The following TBC1D22A variants were observed in gnomAD, a reference collection of about 807,000 sequenced individuals.
TBC1D22A encodes the protein putative GTPase activator.
A neutral mutation model predicts 60.2 loss-of-function variants in TBC1D22A; 38 were observed. The ratio of observed to expected loss-of-function variants is 0.63; its 90% CI spans 0.49 to 0.83. The LOEUF (loss-of-function observed/expected upper bound fraction) is 0.83. Ranked by LOEUF, TBC1D22A falls within the 40% of genes least tolerant of loss-of-function variation. The pLI is 0.00. For missense variants in TBC1D22A, 628 were observed against 701.0 expected (o/e 0.90, Z 1.18); for synonymous variants, 302 against 281.7 (o/e 1.07, Z -0.72).
intron 12 of TBC1D22A, among the ~76,000 whole-genome samples, chr22:47,134,277 T>TC (rs1168371309): frequency 6.6e-6 from 1 of 152,244 alleles, no homozygotes; most frequent in Non-Finnish European, 1.5e-5. Flanking sequence ...TGTGATTACA[T>TC]CCTGGGTCTT....
At chr22:47,049,086 G>A (rs1205860355) in intron 11 of TBC1D22A, among the ~76,000 whole-genome samples, 1 of 152,196 alleles carries the variant, frequency 6.6e-6, no homozygotes, top group Non-Finnish European at 1.5e-5. Context: ...GTTAATGGCC[G>A]GGAAGAGGAG....
intron 4 of TBC1D22A, among the ~76,000 whole-genome samples, chr22:46,874,334 T>C (rs1339414833): frequency 1.3e-5 from 2 of 152,106 alleles, no homozygotes; most frequent in Non-Finnish European, 2.9e-5. Flanking sequence ...GGTATTTCTG[T>C]CTCTAGGTCT....
At chr22:46,774,878 C>CATCGG (rs2083637093) in intron 1 of TBC1D22A, among the ~76,000 whole-genome samples, 2 of 152,256 alleles carry the variant, frequency 1.3e-5, no homozygotes, top group Non-Finnish European at 2.9e-5. Context: ...GCTGTGTGCA[C>CATCGG]CGGAGCCCGG....
At chr22:47,062,854 C>T (rs1480869840) in intron 11 of TBC1D22A, among the ~76,000 whole-genome samples, 1 of 152,116 alleles carries the variant, frequency 6.6e-6, no homozygotes, top group Non-Finnish European at 1.5e-5. Context: ...AAAGAGCAGC[C>T]ATTCCAAGCA....
chr22:46,958,466 G>A (rs564841153), intron 8 of TBC1D22A, among the ~76,000 whole-genome samples: 1 of 152,298 alleles, frequency 6.6e-6, no homozygotes, highest in South Asian at 2.1e-4. Flanking sequence ...TGGAGAGGCC[G>A]CCACCTTGTC....
chr22:47,102,300 G>T (rs143630345), intron 11 of TBC1D22A, among the ~76,000 whole-genome samples: 299 of 152,306 alleles, frequency 2.0e-3, no homozygotes, highest in African/African-American at 6.7e-3. Context: ...CTGTGAGTCA[G>T]CCAGTGCTCA....
At chr22:46,844,650 G>A (rs888129679) in intron 4 of TBC1D22A, among the ~76,000 whole-genome samples, 5 of 152,236 alleles carry the variant, frequency 3.3e-5, no homozygotes, top group African/African-American at 1.2e-4. Context: ...TTCCTGGGAA[G>A]GGTTGGGCTG....
rs367811250 is a variant in TBC1D22A, at chr22:46,867,842, A to C, written c.638-10811A>C. Among the ~76,000 whole-genome samples the C allele has an allele frequency of 4.0e-3, 607 of 152,328 alleles. 3 individuals carry two copies. Among genetic ancestry groups the C allele is most frequent in the Non-Finnish European group, 7.1e-3 (485 of 68,038 alleles). On this transcript the variant is annotated intron_variant, in intron 4 of 12. Transcript: ENST00000337137. ...AGAAACTGTTGCTAATAAGCAGATG[A>C]CTCCAGAGGAAACATTTAAAAAAGC...
At chr22:47,084,553 G>A (rs530171900) in intron 11 of TBC1D22A, among the ~76,000 whole-genome samples, 1 of 152,112 alleles carries the variant, frequency 6.6e-6, no homozygotes, top group Non-Finnish European at 1.5e-5. Context: ...TGCTCTAGGG[G>A]GACTCTTGAA....
chr22:47,014,167 G>C (rs1050018875), intron 10 of TBC1D22A, among the ~76,000 whole-genome samples: 1 of 152,190 alleles, frequency 6.6e-6, no homozygotes. Flanking sequence ...GGTGCATCCG[G>C]GCTACCCCTG....
chr22:46,811,515 G>A (rs781781932), intron 4 of TBC1D22A, among the ~76,000 whole-genome samples: 2 of 152,236 alleles, frequency 1.3e-5, no homozygotes, highest in African/African-American at 4.8e-5. Flanking sequence ...GGAGAGTTGA[G>A]CGGAGGAGGC....
chr22:46,986,877 T>C (rs1312799332), intron 9 of TBC1D22A, among the ~76,000 whole-genome samples: 2 of 152,302 alleles, frequency 1.3e-5, no homozygotes, highest in East Asian at 3.9e-4. Flanking sequence ...ACGGCTGATT[T>C]GCGCACCATG....
chr22:47,160,361 C>T (rs904034608), intron 12 of TBC1D22A, among the ~76,000 whole-genome samples: 1 of 152,214 alleles, frequency 6.6e-6, no homozygotes. Flanking sequence ...CAGGCTCTGC[C>T]GTCCCCCTGG....
At chr22:46,802,217 C>T (rs1241089708) in intron 4 of TBC1D22A, among the ~76,000 whole-genome samples, 9 of 152,156 alleles carry the variant, frequency 5.9e-5, no homozygotes, top group African/African-American at 9.7e-5. Context: ...GGGGAGGAAT[C>T]GGCGGCGAGG....
intron 4 of TBC1D22A, among the ~76,000 whole-genome samples, chr22:46,836,518 A>G (rs552225053): frequency 6.6e-6 from 1 of 152,030 alleles, no homozygotes; most frequent in African/African-American, 2.4e-5. Context: ...AAAGCATGCT[A>G]TTACAAAAAA....
intron 7 of TBC1D22A, among the ~76,000 whole-genome samples, chr22:46,911,847 A>C (rs1340328729): frequency 6.6e-6 from 1 of 151,760 alleles, no homozygotes; most frequent in African/African-American, 2.4e-5. Context: ...TGAACCTGGA[A>C]GGCAGAGGCT....
chr22:46,870,197 A>G (rs1183716546), intron 4 of TBC1D22A, among the ~76,000 whole-genome samples: 1 of 152,240 alleles, frequency 6.6e-6, no homozygotes, highest in Non-Finnish European at 1.5e-5. Flanking sequence ...GAGAGCCTCC[A>G]GATAGTCTTT....
intron 4 of TBC1D22A, among the ~76,000 whole-genome samples, chr22:46,850,527 C>G (rs1260547289): frequency 1.3e-5 from 2 of 152,142 alleles, no homozygotes; most frequent in African/African-American, 4.8e-5. Context: ...CAGGGATTAA[C>G]AAATGTTTGC....
chr22:46,823,423 A>G (rs2085912290), intron 4 of TBC1D22A, among the ~76,000 whole-genome samples: 1 of 152,112 alleles, frequency 6.6e-6, no homozygotes, highest in African/African-American at 2.4e-5. Flanking sequence ...GGTTGATACT[A>G]CTGTACCCTA....
Sources: gnomAD v4.1 joint callset for allele counts (sites outside exome capture counted in the v4.1 genomes callset) on GRCh38, gnomAD v4.1.1 for gene constraint, MANE v1.5 for transcripts, NCBI Gene and HGNC (gene_info 2026-07-23, HGNC 2026-07-21) for gene names.